FSTL4: variants seen among roughly 807,000 people sequenced by gnomAD.
FSTL4 encodes follistatin like 4, also known as follistatin-related protein 4.
Under a neutral mutation model 78.2 loss-of-function variants are expected in FSTL4, and 28 were observed. That is an observed-to-expected ratio of 0.36 (90% confidence interval 0.27 to 0.49). The LOEUF is 0.49. Among genes scored for constraint, FSTL4 ranks in the 20% least tolerant of loss-of-function variants. The pLI is 0.98. For missense variants in FSTL4, 922 were observed against 1,084.9 expected (o/e 0.85, Z 2.11); for synonymous variants, 422 against 440.5 (o/e 0.96, Z 0.53).
chr5:133,764,061 T>C, the FSTL4 span, among the ~76,000 whole-genome samples: 1 of 152,248 alleles, frequency 6.6e-6, no homozygotes, highest in South Asian at 2.1e-4. Flanking sequence ...CAGAGGTAAC[T>C]GTTCAGAGAG....
chr5:133,658,287 C>T, the FSTL4 span, among the ~76,000 whole-genome samples: 10 of 152,194 alleles, frequency 6.6e-5, no homozygotes, highest in South Asian at 1.9e-3. Context: ...ACTAACCTGA[C>T]AAAGTTATGT....
At chr5:133,677,959 C>T in the FSTL4 span, among the ~76,000 whole-genome samples, 1 of 152,128 alleles carries the variant, frequency 6.6e-6, no homozygotes, top group African/African-American at 2.4e-5. Flanking sequence ...ATATATTTAT[C>T]AAGTGCAACA....
intron 2 of FSTL4, among the ~76,000 whole-genome samples, chr5:133,576,272 G>C (rs964572885): frequency 2.0e-5 from 3 of 152,188 alleles, no homozygotes; most frequent in Non-Finnish European, 2.9e-5. Context: ...TGAGGCTCTG[G>C]AAAAGGATGG....
the FSTL4 span, among the ~76,000 whole-genome samples, chr5:133,807,378 G>GT: frequency 6.6e-6 from 1 of 152,220 alleles, no homozygotes; most frequent in Non-Finnish European, 1.5e-5. Flanking sequence ...ACTTCAGAGA[G>GT]TTTTTTCTTA....
the FSTL4 span, among the ~76,000 whole-genome samples, chr5:133,691,699 C>T: frequency 6.6e-6 from 1 of 151,938 alleles, no homozygotes; most frequent in African/African-American, 2.4e-5. Context: ...ACCTGGCCTC[C>T]ACACTGACTC....
the FSTL4 span, among the ~76,000 whole-genome samples, chr5:133,671,597 C>T: frequency 9.2e-5 from 14 of 152,154 alleles, no homozygotes; most frequent in East Asian, 7.7e-4. Flanking sequence ...AAGAGTACAC[C>T]GAACAAAGGA....
At chr5:133,201,611 G>A (rs1750323134) in intron 15 of FSTL4, among the ~76,000 whole-genome samples, 1 of 152,202 alleles carries the variant, frequency 6.6e-6, no homozygotes, top group African/African-American at 2.4e-5. Flanking sequence ...AGCAAGCAGA[G>A]GGTGCTCAAT....
rs531447270 is a variant in FSTL4, at chr5:133,438,520, G to A, written c.161-37534C>T. ...CCTGAATTTAGGGACACATGTACAT[G>A]TCGTTAAGATGTAGAGAAATAGATA... On this transcript the variant is annotated intron_variant, in intron 3 of 15. Transcript: ENST00000265342. Among the ~76,000 whole-genome samples, 12 of 152,372 alleles carry A rather than the reference G, an allele frequency of 7.9e-5. No individual in the cohort carries two copies. In the South Asian group the frequency reaches 2.5e-3, roughly 32 times the overall value.
intron 3 of FSTL4, among the ~76,000 whole-genome samples, chr5:133,516,791 AAAC>A (rs1347931722): frequency 1.3e-5 from 2 of 152,246 alleles, no homozygotes; most frequent in East Asian, 1.9e-4. Context: ...AGGCAGATCA[AAAC>A]AACAGACTAA....
chr5:133,259,673 C>T (rs80103637), intron 6 of FSTL4, among the ~76,000 whole-genome samples: 2,343 of 151,766 alleles, frequency 0.015, 59 homozygotes, highest in African/African-American at 0.054. Flanking sequence ...GTGCAAATAA[C>T]GGACTGGTGG....
At chr5:133,417,899 C>T (rs527488768) in intron 3 of FSTL4, among the ~76,000 whole-genome samples, 1 of 137,048 alleles carries the variant, frequency 7.3e-6, no homozygotes, top group African/African-American at 2.8e-5. Flanking sequence ...GCGGAGGTTG[C>T]AGTGAGCTGA....
intron 3 of FSTL4, among the ~76,000 whole-genome samples, chr5:133,539,423 C>T (rs1262240200): frequency 6.6e-6 from 1 of 152,140 alleles, no homozygotes; most frequent in Non-Finnish European, 1.5e-5. Context: ...TCCTAGGATT[C>T]AGCTCCTCGC....
chr5:133,715,754 T>C, the FSTL4 span, among the ~76,000 whole-genome samples: 6 of 152,134 alleles, frequency 3.9e-5, no homozygotes, highest in Non-Finnish European at 1.5e-5. Flanking sequence ...CACACCCTAC[T>C]TCACATCGTG....
At chr5:133,619,796 C>G in the FSTL4 span, among the ~76,000 whole-genome samples, 2 of 152,182 alleles carry the variant, frequency 1.3e-5, no homozygotes, top group African/African-American at 4.8e-5. Flanking sequence ...GACCTGCAAG[C>G]CTTTCACTAC....
At chr5:133,445,205 C>G (rs576958164) in intron 3 of FSTL4, among the ~76,000 whole-genome samples, 19 of 152,350 alleles carry the variant, frequency 1.2e-4, no homozygotes, top group Non-Finnish European at 1.9e-4. Context: ...TTTCAAAAAT[C>G]GAGAAGCAGA....
chr5:133,666,258 T>C, the FSTL4 span, among the ~76,000 whole-genome samples: 3 of 152,134 alleles, frequency 2.0e-5, no homozygotes, highest in African/African-American at 7.2e-5. Flanking sequence ...TTTTTTCTTT[T>C]CCAAATCCTG....
At chr5:133,733,389 A>G in the FSTL4 span, among the ~76,000 whole-genome samples, 1 of 152,206 alleles carries the variant, frequency 6.6e-6, no homozygotes, top group Non-Finnish European at 1.5e-5. Context: ...GACATTGGGT[A>G]CCTCCTGATA....
Position 133,611,550 on chromosome 5 carries a change from G to A in FSTL4, c.-11+775C>T, listed in dbSNP as rs1014209887. The stretch of plus-strand genomic sequence containing the variant: ...AGGGCGGAGATCATCCACAGTGCAA[G>A]CTCTCTTAGGACCAAGCCCCCAGCC... On this transcript the variant is annotated intron_variant, in intron 1 of 15. Coordinates refer to ENST00000265342, the MANE Select transcript of FSTL4 (RefSeq NM_015082.2). The surrounding 1 kb of genome is among the most constrained non-coding windows in gnomAD (Gnocchi z 4.9). Among the ~76,000 whole-genome samples the A allele has an allele frequency of 6.6e-6, 1 of 152,184 alleles. No homozygotes were observed. The highest frequency in any genetic ancestry group is 6.5e-5 in the Admixed American group (1 of 15,292).
intron 4 of FSTL4, among the ~76,000 whole-genome samples, chr5:133,331,033 G>A (rs1230125322): frequency 1.3e-5 from 2 of 152,328 alleles, no homozygotes; most frequent in African/African-American, 2.4e-5. Context: ...GGGCCATGGA[G>A]GCTCCTGGCC....
Sources: allele counts gnomAD v4.1 joint callset (sites outside exome capture counted in the v4.1 genomes callset), GRCh38; gene constraint gnomAD v4.1.1; non-coding constraint Gnocchi (gnomAD v3.1); transcripts MANE v1.5; gene names NCBI Gene and HGNC (gene_info 2026-07-23, HGNC 2026-07-21).